The following CLCF1 variants were observed in gnomAD, a reference collection of about 807,000 sequenced individuals.
CLCF1 encodes the protein cardiotrophin-like cytokine factor 1.
Under a neutral mutation model 21.2 loss-of-function variants are expected in CLCF1, and 10 were observed. That is an observed-to-expected ratio of 0.47 (90% CI 0.29 to 0.80). The LOEUF (loss-of-function observed/expected upper bound fraction) is 0.80. Ranked by LOEUF, CLCF1 falls within the 30% of genes least tolerant of loss-of-function variation. The pLI is 0.09. For synonymous variants in CLCF1, 115 were observed against 120.5 expected, an observed-to-expected ratio of 0.95 and a Z score of 0.30; for missense variants, 240 against 293.4, an observed-to-expected ratio of 0.82 and a Z score of 1.33.
At chr11:67,371,050 C>T (rs751316811) in intron 1 of CLCF1, 166 of 984,982 alleles carry the variant, frequency 1.7e-4, no homozygotes, top group Non-Finnish European at 1.9e-4. Context: ...GTGGGTTAGG[C>T]GGGCAGAGTG....
At position 67,365,008 on chromosome 11, in the gene CLCF1, C is replaced by A; in HGVS notation, c.*128G>T. On this transcript the variant is annotated 3_prime_UTR_variant, in exon 3 of 3. Coordinates refer to ENST00000312438, the MANE Select transcript of CLCF1 (RefSeq NM_013246.3). This position sits in a 1 kb window ranked among gnomAD's most constrained non-coding sequence, Gnocchi z 5.0. ...AGGGCTGATCGCATCACACGCCCAG[C>A]CGGTCCAGGAAAGGGCCAGAGGCTC... is the stretch of plus-strand genomic sequence containing the variant. 4 of 1,505,666 alleles carry A rather than the reference C, an allele frequency of 2.7e-6. No individual in the cohort carries two copies. Among genetic ancestry groups the A allele is most frequent in the Non-Finnish European group, 3.6e-6 (4 of 1,115,352 alleles). 93.3% of individuals were successfully genotyped at this position (1,505,666 alleles called of 1,614,324 possible).
rs899728477 is a variant in CLCF1 at position 67,372,331 on chromosome 11, G to C, written c.16+1193C>G. On this transcript the variant is annotated intron_variant, in intron 1 of 2. Transcript: ENST00000312438. The surrounding 1 kb of genome is among the most constrained non-coding windows in gnomAD (Gnocchi z 5.9). Reference sequence around the variant, plus strand: ...GAACAGGGGTCCTCTGGGATTGGGAGGGTCTGTGGGGAGGGCTCCAGAAGC... The same window carrying C: ...GAACAGGGGTCCTCTGGGATTGGGACGGTCTGTGGGGAGGGCTCCAGAAGC... 2.0e-5 allele frequency among the ~76,000 whole-genome samples: 3 copies of C among 152,120 alleles called. No homozygotes were observed. The highest frequency in any genetic ancestry group is 7.2e-5 in the African/African-American group (3 of 41,442).
chr11:67,373,907 G>A (rs1214414648), upstream of CLCF1: 4 of 943,364 alleles, frequency 4.2e-6, no homozygotes, highest in Non-Finnish European at 5.2e-6. Context: ...AGGGGGCGGG[G>A]AGGCCATCAG....
At chr11:67,368,050 G>GA (rs1862153842) in intron 1 of CLCF1, 1 of 985,312 alleles carries the variant, frequency 1.0e-6, no homozygotes, top group Non-Finnish European at 1.2e-6. Context: ...AGCTTGAGGG[G>GA]AGTCAGAGGG....
intron 2 of CLCF1, among the ~76,000 whole-genome samples, chr11:67,367,089 G>A (rs1727647000): frequency 6.6e-6 from 1 of 152,132 alleles, no homozygotes; most frequent in Admixed American, 6.5e-5. Flanking sequence ...GAGCTGGAAC[G>A]CAGGCATGGG....
intron 2 of CLCF1, among the ~76,000 whole-genome samples, chr11:67,366,825 G>A (rs1356111666): frequency 2.0e-5 from 3 of 152,034 alleles, no homozygotes; most frequent in Non-Finnish European, 4.4e-5. Flanking sequence ...AGAGGGGGCC[G>A]GTTCCCCATG....
At chr11:67,373,677 A>AT (rs765298833), upstream of CLCF1, 22,828 of 975,328 alleles carry the variant, frequency 0.023, no homozygotes, top group South Asian at 0.027. Flanking sequence ...TCGGTTTCGG[A>AT]TTTTTTTTTT....
intron 1 of CLCF1, chr11:67,369,199 G>A (rs1400664684): frequency 1.0e-6 from 1 of 985,288 alleles, no homozygotes; most frequent in African/African-American, 1.7e-5. Flanking sequence ...ACAGGGGTCA[G>A]TGAGGACTTC....
rs1862133249 is a variant in CLCF1, at chr11:67,367,390, AC to A, written c.183+69del. On this transcript the variant is annotated intron_variant, in intron 2 of 2. Coordinates refer to ENST00000312438, the MANE Select transcript of CLCF1 (RefSeq NM_013246.3). ...ACCCCATCATTTACCAGAACCCTCC[AC>A]GGTTAGGACTGTCTTTCCCCAACTC... The A allele has an allele frequency of 3.1e-6, 5 of 1,610,852 alleles. No individual in the cohort carries two copies. The South Asian group carries it at 5.5e-5, about 18-fold the overall frequency.
chr11:67,366,040 G>A (rs1350358827), intron 2 of CLCF1, among the ~76,000 whole-genome samples: 1 of 152,194 alleles, frequency 6.6e-6, no homozygotes. Flanking sequence ...AGAGGAGTTC[G>A]AGAAGGCAGC....
At position 67,372,865 on chromosome 11, in the gene CLCF1, C is replaced by T. The variant is rs1226328169; in HGVS notation, c.16+659G>A. 6.7e-6 allele frequency among the ~76,000 whole-genome samples: 1 copy of T among 150,316 alleles called. No homozygotes were observed. The highest frequency in any genetic ancestry group is 2.4e-5 in the African/African-American group (1 of 41,172). On this transcript the variant is annotated intron_variant, in intron 1 of 2. Transcript: ENST00000312438. This position sits in a 1 kb window ranked among gnomAD's most constrained non-coding sequence, Gnocchi z 5.9. ...TCGCGGCCGCCGCCCGCCGCCCCTA[C>T]CTGCCGCCGGCTCCCCGGCCGTGGG...
chr11:67,371,009 AG>A (rs1156481918), intron 1 of CLCF1: 11 of 985,270 alleles, frequency 1.1e-5, no homozygotes, highest in Non-Finnish European at 1.3e-5. Context: ...CTGCGGTTGG[AG>A]GGGTCTGTTG....
chr11:67,367,494 A>T lies in CLCF1; in HGVS notation c.149T>A (p.Leu50Gln), dbSNP rs751692316. ...IQKTYDLTRY[L>Q]EHQLRSLAGT... ...AGCCAAGCTGCGGAGTTGGTGCTCC[A>T]GGTAGCGGGTGAGGTCATAGGTTTT... Residue 50 changes from leucine to glutamine, a missense_variant, in exon 2 of 3, where the codon CTG (leucine) becomes CAG (glutamine). Leu to Gln is a moderately radical substitution (Grantham distance 113). Transcript: ENST00000312438. 6.2e-7 allele frequency: 1 copy of T among 1,614,124 alleles called. No homozygotes were observed. Among genetic ancestry groups the T allele is most frequent in the Non-Finnish European group, 8.5e-7 (1 of 1,180,040 alleles).
upstream of CLCF1, chr11:67,374,000 C>T (rs1441342839): frequency 2.3e-6 from 2 of 851,194 alleles, no homozygotes; most frequent in Non-Finnish European, 2.6e-6. Flanking sequence ...GGACACCGCC[C>T]CCTGCCCCCT....
At chr11:67,368,138 C>T in intron 1 of CLCF1, 1 of 985,358 alleles carries the variant, frequency 1.0e-6, no homozygotes, top group Non-Finnish European at 1.2e-6. Flanking sequence ...AGGCGGCCGC[C>T]AAGAACAGAC....
In CLCF1 at chr11:67,365,235, G is replaced by C. The variant is rs775567718; in HGVS notation, c.579C>G (p.Thr193=). 1 of 1,613,942 alleles carries C rather than the reference G, an allele frequency of 6.2e-7. No individual in the cohort carries two copies. The highest frequency in any genetic ancestry group is 2.2e-5 in the East Asian group (1 of 44,896). ...AGTCCTTGGCCGAGCGCCACAGCCA[G>C]GTCTGCAGCTCCTTCAGCAGCCAGA... is the stretch of plus-strand genomic sequence containing the variant. ...DDFWLLKELQ[T]WLWRSAKDFN... Residue 193 remains threonine, a synonymous_variant, in exon 3 of 3, where the codon ACC becomes ACG. Transcript: ENST00000312438. The surrounding 1 kb of genome is among the most constrained non-coding windows in gnomAD (Gnocchi z 5.0).
At chr11:67,371,675 G>C (rs1340049950) in intron 1 of CLCF1, among the ~76,000 whole-genome samples, 2 of 152,184 alleles carry the variant, frequency 1.3e-5, no homozygotes, top group Non-Finnish European at 1.5e-5. Context: ...GCCAGAGGCA[G>C]GAGGAGCAGT....
chr11:67,368,714 C>A, intron 1 of CLCF1: 1 of 985,020 alleles, frequency 1.0e-6, no homozygotes, highest in African/African-American at 1.7e-5. Context: ...TGATTTAGTG[C>A]GGTTGAGGTT....
upstream of CLCF1, chr11:67,373,957 C>G: frequency 9.9e-7 from 1 of 1,005,678 alleles, no homozygotes; most frequent in South Asian, 4.7e-5. Context: ...ACAGCGCCGG[C>G]TTCGGGTGGG....
Sources: gnomAD v4.1 joint callset for allele counts (sites outside exome capture counted in the v4.1 genomes callset) on GRCh38, gnomAD v4.1.1 for gene constraint, Gnocchi (gnomAD v3.1) non-coding constraint, MANE v1.5 for transcripts, NCBI Gene and HGNC (gene_info 2026-07-23, HGNC 2026-07-21) for gene names.